FGF13: variants seen among roughly 807,000 people sequenced by gnomAD.
The protein encoded by FGF13 is fibroblast growth factor homologous factor 2.
In FGF13, 2 loss-of-function variants were observed where a neutral mutation model predicts 19.5. That is an observed-to-expected ratio of 0.10 (90% CI 0.04 to 0.32). FGF13 has a LOEUF of 0.32. Among genes scored for constraint, FGF13 ranks in the 10% least tolerant of loss-of-function variants. The probability of loss-of-function intolerance (pLI) is 1.00; values close to 1 mark genes in which losing one functional copy is unlikely to be tolerated. For missense variants in FGF13, 113 were observed against 192.7 expected (o/e 0.59, Z 2.45); for synonymous variants, 72 against 76.9 (o/e 0.94, Z 0.33).
intron 3 of FGF13, among the ~76,000 whole-genome samples, chrX:138,817,931 G>A (rs1256427720): frequency 2.7e-5 from 3 of 111,948 alleles, no homozygotes; most frequent in Admixed American, 9.5e-5. Context: ...TAATATGAAA[G>A]TGAATAAGTA....
At chrX:138,976,134 C>T (rs1010382363) in intron 1 of FGF13, among the ~76,000 whole-genome samples, 3 of 111,570 alleles carry the variant, frequency 2.7e-5, no homozygotes, top group Non-Finnish European at 5.6e-5. Context: ...ATGCTCCTGG[C>T]CCCTTGTGAC....
At chrX:138,912,911 C>G (rs1035902985) in intron 1 of FGF13, among the ~76,000 whole-genome samples, 2 of 111,233 alleles carry the variant, frequency 1.8e-5, no homozygotes, top group Non-Finnish European at 3.8e-5. Flanking sequence ...AAGAGAGCAT[C>G]CTGACCCTTC....
chrX:138,841,454 T>C (rs1428239299), intron 3 of FGF13, among the ~76,000 whole-genome samples: 3 of 111,346 alleles, frequency 2.7e-5, no homozygotes, highest in African/African-American at 9.8e-5. Context: ...TTGAGTCTTA[T>C]TTTAAACTAT....
intron 1 of FGF13, among the ~76,000 whole-genome samples, chrX:139,156,003 C>G (rs1837238191): frequency 8.9e-6 from 1 of 111,876 alleles, no homozygotes; most frequent in African/African-American, 3.3e-5. Context: ...GAGCCCTGGG[C>G]AGCAGAATAT....
At chrX:139,178,997 T>C (rs2084216702) in intron 1 of FGF13, among the ~76,000 whole-genome samples, 1 of 112,206 alleles carries the variant, frequency 8.9e-6, no homozygotes, top group South Asian at 3.7e-4. Flanking sequence ...ATCTACATAA[T>C]GGACTCTTGC....
rs776785246 is a variant in FGF13, at chrX:139,101,011, G to A, written c.-113+102405C>T. ...AGACACAAAAAATCAAGCAAGAAGA[G>A]CAATCATTTGTAAGGGTGAGATGCT... On this transcript the variant is annotated intron_variant, in intron 1 of 2. Coordinates refer to the FGF13 transcript ENST00000421460. Among the ~76,000 whole-genome samples, 3 of 111,745 alleles carry A rather than the reference G, an allele frequency of 2.7e-5. No homozygotes were observed. The Admixed American group carries it at 2.8e-4, about 11-fold the overall frequency.
intron 3 of FGF13, among the ~76,000 whole-genome samples, chrX:138,762,801 A>G (rs1354504483): frequency 8.9e-6 from 1 of 112,390 alleles, no homozygotes; most frequent in Non-Finnish European, 1.9e-5. Context: ...AGCAATATCC[A>G]GCATATAATA....
chrX:138,961,819 T>C (rs1343582254), intron 1 of FGF13, among the ~76,000 whole-genome samples: 2 of 112,013 alleles, frequency 1.8e-5, no homozygotes, highest in Non-Finnish European at 3.8e-5. Flanking sequence ...GATCCCTTCC[T>C]TACACCTTAT....
chrX:138,892,196 T>A (rs1372346097), intron 1 of FGF13, among the ~76,000 whole-genome samples: 2 of 111,227 alleles, frequency 1.8e-5, no homozygotes, highest in Non-Finnish European at 3.8e-5. Flanking sequence ...CAGTGCTGAA[T>A]TCATACAATA....
At chrX:139,112,339 A>C (rs1279738995) in intron 1 of FGF13, among the ~76,000 whole-genome samples, 1 of 111,275 alleles carries the variant, frequency 9.0e-6, no homozygotes, top group East Asian at 2.8e-4. Flanking sequence ...GGCTCTCCAT[A>C]ATCATTAACC....
chrX:138,720,306 T>A (rs1183805870), intron 1 of FGF13, among the ~76,000 whole-genome samples: 1 of 112,303 alleles, frequency 8.9e-6, no homozygotes, highest in Non-Finnish European at 1.9e-5. Context: ...AAGAACTTAT[T>A]TATGACATTT....
chrX:138,750,222 C>G (rs1461675955), intron 3 of FGF13, among the ~76,000 whole-genome samples: 2 of 110,883 alleles, frequency 1.8e-5, no homozygotes, highest in Non-Finnish European at 3.8e-5. Flanking sequence ...GCGCATTTCC[C>G]CATTTTTTTA....
chrX:138,769,660 A>G (rs997938939), intron 3 of FGF13, among the ~76,000 whole-genome samples: 3 of 112,318 alleles, frequency 2.7e-5, no homozygotes, highest in African/African-American at 9.7e-5. Flanking sequence ...TTAGGCCCAC[A>G]GGGAAAGTGA....
chrX:139,135,418 A>G (rs950657325), intron 1 of FGF13, among the ~76,000 whole-genome samples: 2 of 112,531 alleles, frequency 1.8e-5, no homozygotes, highest in Admixed American at 1.9e-4. Flanking sequence ...TGCTTTAAAA[A>G]CATTTTACTG....
At chrX:139,183,529 C>T (rs933522720) in intron 1 of FGF13, among the ~76,000 whole-genome samples, 2 of 111,812 alleles carry the variant, frequency 1.8e-5, no homozygotes, top group Admixed American at 9.5e-5. Flanking sequence ...TGTGAGTTCA[C>T]GTGAGATGTG....
At chrX:138,799,881 C>G (rs919416648) in intron 3 of FGF13, among the ~76,000 whole-genome samples, 11 of 111,241 alleles carry the variant, frequency 9.9e-5, no homozygotes, top group African/African-American at 3.3e-4. Context: ...TTTGTTTTAT[C>G]AGAGACTAGG....
chrX:138,827,706 T>C (rs1401640075), intron 3 of FGF13, among the ~76,000 whole-genome samples: 1 of 111,958 alleles, frequency 8.9e-6, no homozygotes, highest in East Asian at 2.8e-4. Context: ...GGCCCATTTT[T>C]ACATGTCAAT....
intron 3 of FGF13, among the ~76,000 whole-genome samples, chrX:138,774,674 C>T (rs941977429): frequency 1.8e-5 from 2 of 111,371 alleles, no homozygotes; most frequent in Non-Finnish European, 3.8e-5. Context: ...TCTAAGTGCC[C>T]ACTTCCACAC....
chrX:138,825,804 T>C (rs1205638481), intron 3 of FGF13, among the ~76,000 whole-genome samples: 1 of 112,190 alleles, frequency 8.9e-6, no homozygotes, highest in Non-Finnish European at 1.9e-5. Context: ...TGATAGTTTT[T>C]TCAGTGGCAG....
Sources: allele counts gnomAD v4.1 joint callset (sites outside exome capture counted in the v4.1 genomes callset), GRCh38; gene constraint gnomAD v4.1.1; transcripts MANE v1.5; gene names NCBI Gene and HGNC (gene_info 2026-07-23, HGNC 2026-07-21).